Variants in PEX3 observed in about 807,000 individuals in gnomAD.
PEX3 encodes the protein peroxin-3.
A neutral mutation model predicts 55.8 loss-of-function variants in PEX3; 30 were observed. The observed-to-expected ratio is 0.54, with a 90% CI of 0.40 to 0.73. PEX3 has a LOEUF of 0.73. Ranked by LOEUF, PEX3 falls within the 30% of genes least tolerant of loss-of-function variation. The probability of loss-of-function intolerance (pLI) is 0.00; values close to 1 mark genes in which losing one functional copy is unlikely to be tolerated. For synonymous variants in PEX3, 135 were observed against 148.4 expected (o/e 0.91, Z 0.66); for missense variants, 351 against 432.8 (o/e 0.81, Z 1.68).
Position 143,464,316 on chromosome 6 carries a change from G to A in PEX3, c.287+1319G>A, listed in dbSNP as rs191801972. On this transcript the variant is annotated intron_variant, in intron 3 of 11. Transcript: ENST00000367591. This position sits in a 1 kb window ranked among gnomAD's most constrained non-coding sequence, Gnocchi z 5.8. ...ATCGTGGTGGCATTCTTCCTTCTTGGTGAATCTGTTTCCTGCAAGGCCCTA... is the reference window on the plus strand; with the variant it reads ...ATCGTGGTGGCATTCTTCCTTCTTGATGAATCTGTTTCCTGCAAGGCCCTA... 2.2e-3 allele frequency among the ~76,000 whole-genome samples: 335 copies of A among 152,048 alleles called. 1 individual carries two copies. Among genetic ancestry groups the A allele is most frequent in the Middle Eastern group, 0.017 (5 of 294 alleles).
At chr6:143,477,611 T>C (rs1171757374) in intron 9 of PEX3, among the ~76,000 whole-genome samples, 4 of 152,132 alleles carry the variant, frequency 2.6e-5, no homozygotes, top group Non-Finnish European at 5.9e-5. Flanking sequence ...TTTATGTGTG[T>C]GAAATAGGAA....
Position 143,485,074 on chromosome 6 carries a change from G to T in PEX3, c.942-78G>T. 3 of 813,326 alleles carry T rather than the reference G, an allele frequency of 3.7e-6. No individual in the cohort carries two copies. Among genetic ancestry groups the T allele is most frequent in the Admixed American group, 1.7e-5 (1 of 58,422 alleles). The allele number at this position is 813,326 out of a possible 1,614,324, so 50.4% of individuals were successfully genotyped here. ...TCCAAAAATATTCTACAATGGCTAT[G>T]TATTACTTTTATAATTAAGATGTTA... On this transcript the variant is annotated intron_variant, in intron 10 of 11. Transcript: ENST00000367591. This position sits in a 1 kb window ranked among gnomAD's most constrained non-coding sequence, Gnocchi z 5.6.
At chr6:143,467,858 G>T (rs1780012632) in intron 3 of PEX3, among the ~76,000 whole-genome samples, 1 of 152,068 alleles carries the variant, frequency 6.6e-6, no homozygotes, top group African/African-American at 2.4e-5. Flanking sequence ...TATTTCCTCT[G>T]CATTTCCTAT....
intron 8 of PEX3, among the ~76,000 whole-genome samples, chr6:143,474,112 C>T (rs1352188160): frequency 6.6e-6 from 1 of 151,744 alleles, no homozygotes; most frequent in Non-Finnish European, 1.5e-5. Context: ...GTCTGGATGA[C>T]AGAGTGAGAC....
At position 143,486,977 on chromosome 6, in the gene PEX3, G is replaced by T. The variant is rs1780330997; in HGVS notation, c.1038+1729G>T. Reference sequence around the variant, plus strand: ...TTATATACAAAAACAGGCGGCAGTGGATTTGGCCTGCAGGCCATACTTTGC... The same window carrying T: ...TTATATACAAAAACAGGCGGCAGTGTATTTGGCCTGCAGGCCATACTTTGC... On this transcript the variant is annotated intron_variant, in intron 11 of 11. Transcript: ENST00000367591. This position sits in a 1 kb window ranked among gnomAD's most constrained non-coding sequence, Gnocchi z 5.0. 6.6e-6 allele frequency among the ~76,000 whole-genome samples: 1 copy of T among 152,212 alleles called. No homozygotes were observed. The highest frequency in any genetic ancestry group is 2.1e-4 in the South Asian group (1 of 4,830).
chr6:143,469,141 T>C (rs1460968115), intron 4 of PEX3, among the ~76,000 whole-genome samples: 2 of 152,216 alleles, frequency 1.3e-5, no homozygotes, highest in Non-Finnish European at 2.9e-5. Flanking sequence ...AACATATGTG[T>C]GCATGTGTCT....
At chr6:143,473,045 C>T (rs1439847692) in intron 8 of PEX3, among the ~76,000 whole-genome samples, 3 of 152,186 alleles carry the variant, frequency 2.0e-5, no homozygotes, top group Non-Finnish European at 2.9e-5. Context: ...CTGGTTTGCA[C>T]TCATTCTTTG....
At position 143,472,661 on chromosome 6, in the gene PEX3, A is replaced by G. The variant is rs143308562; in HGVS notation, c.747+333A>G. Among the ~76,000 whole-genome samples the G allele has an allele frequency of 1.1e-4, 16 of 152,280 alleles. No homozygotes were observed. In the East Asian group the frequency reaches 3.1e-3, roughly 29 times the overall value. On this transcript the variant is annotated intron_variant, in intron 8 of 11. Coordinates refer to ENST00000367591, the MANE Select transcript of PEX3 (RefSeq NM_003630.3). ...AAATTCAATTGGTGGGCTGCAGCGT[A>G]TTTTTGTATCAGATCAAGTAGCAGA...
intron 2 of PEX3, among the ~76,000 whole-genome samples, chr6:143,460,160 T>C (rs893416858): frequency 1.3e-5 from 2 of 152,202 alleles, no homozygotes; most frequent in African/African-American, 2.4e-5. Flanking sequence ...AAATTAGAAA[T>C]TTTTTAGAGT....
rs544617440 is a variant in PEX3, at chr6:143,470,293, T to C, written c.332-668T>C. 3.9e-5 allele frequency among the ~76,000 whole-genome samples: 6 copies of C among 152,196 alleles called. No homozygotes were observed. In the East Asian group the frequency reaches 5.8e-4, roughly 15 times the overall value. The stretch of plus-strand genomic sequence containing the variant: ...ATGACCAAGATTTCTACATTCCCTT[T>C]CTTCTCTTCACTCCCTCACGCTTTG... On this transcript the variant is annotated intron_variant, in intron 4 of 11. Transcript: ENST00000367591.
chr6:143,458,939 A>G lies in PEX3; in HGVS notation c.74-146A>G, dbSNP rs1196675672. ...TGCTAATTTCCTTTTCTTTGGGCCA[A>G]TCTTACAAAATTCTTTATTTAGGTT... On this transcript the variant is annotated intron_variant, in intron 1 of 11. Coordinates refer to ENST00000367591, the MANE Select transcript of PEX3 (RefSeq NM_003630.3). This position sits in a 1 kb window ranked among gnomAD's most constrained non-coding sequence, Gnocchi z 6.1. The G allele has an allele frequency of 3.4e-6, 2 of 588,496 alleles. No homozygotes were observed. Among genetic ancestry groups the G allele is most frequent in the Non-Finnish European group, 6.1e-6 (2 of 330,316 alleles). The allele number at this position is 588,496 out of a possible 1,614,324, so 36.5% of individuals were successfully genotyped here.
In PEX3 at chr6:143,451,841, A is replaced by G. The variant is rs1779772074; in HGVS notation, c.73+726A>G. On this transcript the variant is annotated intron_variant, in intron 1 of 11. Coordinates refer to ENST00000367591, the MANE Select transcript of PEX3 (RefSeq NM_003630.3). The surrounding 1 kb of genome is among the most constrained non-coding windows in gnomAD (Gnocchi z 4.1). Reference sequence around the variant, plus strand: ...AAATCTTGAGACGCTTTTCCCTCATACAATGCTCATGTGATAATATTCAGG... The same window carrying G: ...AAATCTTGAGACGCTTTTCCCTCATGCAATGCTCATGTGATAATATTCAGG... Among the ~76,000 whole-genome samples, 1 of 152,190 alleles carries G rather than the reference A, an allele frequency of 6.6e-6. No individual in the cohort carries two copies. The highest frequency in any genetic ancestry group is 1.5e-5 in the Non-Finnish European group (1 of 68,032).
chr6:143,488,756 C>T lies in PEX3; in HGVS notation c.1039-387C>T, dbSNP rs899654014. On this transcript the variant is annotated intron_variant, in intron 11 of 11. Transcript: ENST00000367591. This position sits in a 1 kb window ranked among gnomAD's most constrained non-coding sequence, Gnocchi z 4.9. ...ATGCACTTACTACACATATTCATACCGTATGTTAGATCTTCTAGAAAGTAA... is the reference window on the plus strand; with the variant it reads ...ATGCACTTACTACACATATTCATACTGTATGTTAGATCTTCTAGAAAGTAA... 9.2e-5 allele frequency among the ~76,000 whole-genome samples: 14 copies of T among 152,060 alleles called. No homozygotes were observed. Among genetic ancestry groups the T allele is most frequent in the Admixed American group, 5.2e-4 (8 of 15,260 alleles).
In PEX3 at chr6:143,459,724, C is replaced by G. The variant is rs1779894001; in HGVS notation, c.205+508C>G. Among the ~76,000 whole-genome samples, 1 of 152,116 alleles carries G rather than the reference C, an allele frequency of 6.6e-6. No homozygotes were observed. Among genetic ancestry groups the G allele is most frequent in the Non-Finnish European group, 1.5e-5 (1 of 68,030 alleles). ...GTACTCTCAGGACACAGCAAAAAGG[C>G]CATGTAGCTAGAGCAGAATGAACAA... is the stretch of plus-strand genomic sequence containing the variant. On this transcript the variant is annotated intron_variant, in intron 2 of 11. Transcript: ENST00000367591. This position sits in a 1 kb window ranked among gnomAD's most constrained non-coding sequence, Gnocchi z 4.2.
In PEX3 at chr6:143,458,445, C is replaced by T. The variant is rs1334350606; in HGVS notation, c.74-640C>T. Among the ~76,000 whole-genome samples, 1 of 152,128 alleles carries T rather than the reference C, an allele frequency of 6.6e-6. No homozygotes were observed. Among genetic ancestry groups the T allele is most frequent in the Non-Finnish European group, 1.5e-5 (1 of 68,018 alleles). On this transcript the variant is annotated intron_variant, in intron 1 of 11. Coordinates refer to ENST00000367591, the MANE Select transcript of PEX3 (RefSeq NM_003630.3). The surrounding 1 kb of genome is among the most constrained non-coding windows in gnomAD (Gnocchi z 6.1). ...AACACATGGATGGATAAATAGACTT[C>T]TGCCTGACTAACTACCTTTCTTTCA...
At position 143,476,924 on chromosome 6, in the gene PEX3, G is replaced by C. The variant is rs538451506; in HGVS notation, c.818+2068G>C. Reference sequence around the variant, plus strand: ...CATTTAGAGTTTGGGATCGGGGGAAGAGCCAGCAAAGGAGACTGAGTAGGA... The same window carrying C: ...CATTTAGAGTTTGGGATCGGGGGAACAGCCAGCAAAGGAGACTGAGTAGGA... On this transcript the variant is annotated intron_variant, in intron 9 of 11. Transcript: ENST00000367591. This position sits in a 1 kb window ranked among gnomAD's most constrained non-coding sequence, Gnocchi z 5.4. 1.1e-4 allele frequency among the ~76,000 whole-genome samples: 17 copies of C among 152,294 alleles called. No individual in the cohort carries two copies. Among genetic ancestry groups the C allele is most frequent in the African/African-American group, 4.1e-4 (17 of 41,566 alleles).
Position 143,453,800 on chromosome 6 carries a change from A to T in PEX3, c.73+2685A>T, listed in dbSNP as rs1584000281. The stretch of plus-strand genomic sequence containing the variant: ...ACTACATTGCTCAGACTGGTCTTGA[A>T]CTCCTGGCCTCAAGCAATCGTCCTG... On this transcript the variant is annotated intron_variant, in intron 1 of 11. Coordinates refer to ENST00000367591, the MANE Select transcript of PEX3 (RefSeq NM_003630.3). The surrounding 1 kb of genome is among the most constrained non-coding windows in gnomAD (Gnocchi z 4.6). Among the ~76,000 whole-genome samples the T allele has an allele frequency of 6.6e-6, 1 of 151,622 alleles. No individual in the cohort carries two copies. Among genetic ancestry groups the T allele is most frequent in the Non-Finnish European group, 1.5e-5 (1 of 67,930 alleles).
chr6:143,454,793 A>G lies in PEX3; in HGVS notation c.73+3678A>G, dbSNP rs1468777759. 6.6e-6 allele frequency among the ~76,000 whole-genome samples: 1 copy of G among 152,202 alleles called. No individual in the cohort carries two copies. The highest frequency in any genetic ancestry group is 2.4e-5 in the African/African-American group (1 of 41,448). The stretch of plus-strand genomic sequence containing the variant: ...AAAGGAGAAAGGACACAGAAGGAAA[A>G]AGAGCAATTCAAGAGGTTCAGCAAC... On this transcript the variant is annotated intron_variant, in intron 1 of 11. Coordinates refer to ENST00000367591, the MANE Select transcript of PEX3 (RefSeq NM_003630.3). This position sits in a 1 kb window ranked among gnomAD's most constrained non-coding sequence, Gnocchi z 4.3.
rs986560090 is a variant in PEX3, at chr6:143,489,708, C to G, written c.*482C>G. The G allele has an allele frequency of 9.9e-5, 15 of 151,942 alleles. No individual in the cohort carries two copies. Among genetic ancestry groups the G allele is most frequent in the Admixed American group, 5.9e-4 (9 of 15,254 alleles). The allele number at this position is 151,942 out of a possible 1,614,324, so 9.4% of individuals were successfully genotyped here. A position where few individuals can be genotyped will look rare whatever the true frequency, so the allele number is the denominator to read the frequency against. ...ATCAGACTTTTCTCCAGCTACCTTT[C>G]AAAATAATAAATTATTTGTCTCAAA... is the stretch of plus-strand genomic sequence containing the variant. On this transcript the variant is annotated 3_prime_UTR_variant, in exon 12 of 12. Coordinates refer to ENST00000367591, the MANE Select transcript of PEX3 (RefSeq NM_003630.3). This position sits in a 1 kb window ranked among gnomAD's most constrained non-coding sequence, Gnocchi z 5.5.
Sources: gnomAD v4.1 joint callset for allele counts (sites outside exome capture counted in the v4.1 genomes callset) on GRCh38, gnomAD v4.1.1 for gene constraint, Gnocchi (gnomAD v3.1) non-coding constraint, MANE v1.5 for transcripts, NCBI Gene and HGNC (gene_info 2026-07-23, HGNC 2026-07-21) for gene names.